Variants in TRIOBP observed in about 807,000 individuals in gnomAD.
TRIOBP encodes TRIO and F-actin binding protein.
In TRIOBP, 169 loss-of-function variants were observed where a neutral mutation model predicts 238.8. The ratio of observed to expected loss-of-function variants is 0.71; its 90% confidence interval spans 0.62 to 0.80. The LOEUF is 0.80. TRIOBP is among the 30% of genes least tolerant of loss of function. TRIOBP has a pLI of 0.00. For synonymous variants in TRIOBP, 1,150 were observed against 1,274.4 expected (o/e 0.90, Z 2.08); for missense variants, 2,838 against 3,122.6 (o/e 0.91, Z 2.17).
intron 2 of TRIOBP, among the ~76,000 whole-genome samples, chr22:37,698,698 G>T (rs1274769180): frequency 6.6e-6 from 1 of 152,052 alleles, no homozygotes; most frequent in Non-Finnish European, 1.5e-5. Context: ...TTAGCTGGGC[G>T]TGGTGGCGTA....
At chr22:37,736,680 T>C (rs1303439031) in intron 9 of TRIOBP, among the ~76,000 whole-genome samples, 3 of 152,160 alleles carry the variant, frequency 2.0e-5, no homozygotes, top group Non-Finnish European at 4.4e-5. Flanking sequence ...CAGACTGGAG[T>C]GCAATTGCAC....
In TRIOBP at chr22:37,757,743, C is replaced by A. The variant is rs535817741; in HGVS notation, c.5818C>A (p.Arg1940Ser). 1.9e-6 allele frequency: 3 copies of A among 1,569,006 alleles called. No homozygotes were observed. Among genetic ancestry groups the A allele is most frequent in the Non-Finnish European group, 2.6e-6 (3 of 1,158,266 alleles). Reference sequence around the variant, plus strand: ...TGGCCCTCGGAAGGCGGACGGGCAGCGTCAGGCCTTGGACTACGTGGAGCT... The same window carrying A: ...TGGCCCTCGGAAGGCGGACGGGCAGAGTCAGGCCTTGGACTACGTGGAGCT... ...RGGPRKADGQ[R>S]QALDYVELSP... Residue 1940 changes from arginine (R) to serine (S), a missense_variant, in exon 16 of 24, where the codon CGT becomes AGT. Around this residue, in one of 5 missense-constraint regions of TRIOBP, gnomAD observed 2,096 missense variants for 2,137.4 expected, o/e 0.98. Coordinates refer to ENST00000644935, the MANE Select transcript of TRIOBP (RefSeq NM_001039141.3).
chr22:37,717,417 G>T (rs1198434234), intron 6 of TRIOBP, among the ~76,000 whole-genome samples: 1 of 152,174 alleles, frequency 6.6e-6, no homozygotes, highest in East Asian at 1.9e-4. Flanking sequence ...TTATTCTCTT[G>T]TCTGGCCCCA....
At chr22:37,769,437 C>A in intron 21 of TRIOBP, 62 bp downstream of exon 21, 1 of 1,457,276 alleles carries the variant, frequency 6.9e-7, no homozygotes, top group Non-Finnish European at 9.3e-7. Context: ...CTATGGGGCA[C>A]CCCCGCCATA....
chr22:37,768,190 G>A lies in TRIOBP; in HGVS notation c.6575+14G>A, dbSNP rs577534147. On this transcript the variant is annotated intron_variant, in intron 19 of 23. Transcript: ENST00000644935. ...GAAGCAGCACCAGTAAGATGATGCCGGGGCCCAACTGCCCACCCTGATGGT... is the reference window on the plus strand; with the variant it reads ...GAAGCAGCACCAGTAAGATGATGCCAGGGCCCAACTGCCCACCCTGATGGT... The A allele has an allele frequency of 2.7e-4, 426 of 1,600,954 alleles. 4 individuals carry two copies. In the South Asian group the frequency reaches 4.3e-3, roughly 16 times the overall value.
In TRIOBP at chr22:37,723,860, G is replaced by A. The variant is rs756331609; in HGVS notation, c.1304G>A (p.Arg435Gln). ...AACCCCAGAACATCCTGCGCCCAGC[G>A]GGACAATCCCAGAGCCTCCTCTCCC... is the stretch of plus-strand genomic sequence containing the variant. Reference protein sequence around the residue: ...RDNPRTSCAQRDNPRASSPSR... With the variant: ...RDNPRTSCAQQDNPRASSPSR... The change falls in exon 7 of 24, where the codon CGG (arginine) becomes CAG (glutamine). Residue 435 changes from arginine to glutamine, a missense_variant. By Grantham distance (43) the Arg-to-Gln change is conservative. Coordinates refer to ENST00000644935, the MANE Select transcript of TRIOBP (RefSeq NM_001039141.3). The A allele has an allele frequency of 1.3e-5, 20 of 1,580,488 alleles. No homozygotes were observed. Among genetic ancestry groups the A allele is most frequent in the African/African-American group, 2.9e-5 (2 of 68,482 alleles).
Position 37,734,814 on chromosome 22 carries a change from C to T in TRIOBP, c.4478C>T (p.Ala1493Val), listed in dbSNP as rs2145842598. 1 of 1,612,396 alleles carries T rather than the reference C, an allele frequency of 6.2e-7. No homozygotes were observed. The highest frequency in any genetic ancestry group is 1.3e-5 in the African/African-American group (1 of 74,988). Residue 1493 changes from alanine to valine, a missense_variant, in exon 9 of 24, where the codon GCC becomes GTC. By Grantham distance (64) the Ala-to-Val change is moderately conservative (BLOSUM62 0). This residue lies in a region of TRIOBP where 2,096 missense variants were observed against 2,137.4 expected (regional missense o/e 0.98). Coordinates refer to ENST00000644935, the MANE Select transcript of TRIOBP (RefSeq NM_001039141.3). ...AAGGAGAGCTGGGGGCAGCCAGAGG[C>T]CTGGGAGGAGAAGCCCACTCATGAG... The part of the protein sequence containing the change: ...EYKESWGQPE[A>V]WEEKPTHELP...
intron 2 of TRIOBP, among the ~76,000 whole-genome samples, chr22:37,698,998 A>G (rs186204360): frequency 3.3e-5 from 5 of 152,222 alleles, no homozygotes; most frequent in Admixed American, 6.5e-5. Flanking sequence ...AAAATTAGCC[A>G]GGCATGACGG....
intron 12 of TRIOBP, among the ~76,000 whole-genome samples, chr22:37,753,738 T>C (rs1925754579): frequency 6.6e-6 from 1 of 152,224 alleles, no homozygotes; most frequent in South Asian, 2.1e-4. Flanking sequence ...GTATCGTCGT[T>C]GCATGCCCCT....
rs528239372 is a variant in TRIOBP, at chr22:37,772,738, G to T, written c.7074G>T (p.Ser2358=). 2 of 1,613,766 alleles carry T rather than the reference G, an allele frequency of 1.2e-6. No individual in the cohort carries two copies. The highest frequency in any genetic ancestry group is 1.3e-5 in the African/African-American group (1 of 75,056). The part of the protein sequence containing the change: ...LAMAALQEKE[S]MRNSLAE The stretch of plus-strand genomic sequence containing the variant: ...TGGCCGCCCTCCAGGAGAAGGAGTC[G>T]ATGCGCAACAGCCTGGCTGAGTAGA... Residue 2358 remains serine (S), a synonymous_variant, in exon 23 of 24, where the codon TCG becomes TCT. Transcript: ENST00000644935.
Position 37,722,377 on chromosome 22 carries a change from G to A in TRIOBP, c.629-808G>A, listed in dbSNP as rs141915316. The stretch of plus-strand genomic sequence containing the variant: ...CAGGAGGCTTAGGTTGCGGTGAGCC[G>A]AGATCGCGTCATTGCACTCTAGCCT... On this transcript the variant is annotated intron_variant, in intron 6 of 23. Transcript: ENST00000644935. Among the ~76,000 whole-genome samples, 1,413 of 149,468 alleles carry A rather than the reference G, an allele frequency of 9.5e-3. 22 individuals are homozygous for A. Among genetic ancestry groups the A allele is most frequent in the African/African-American group, 0.033 (1,360 of 40,622 alleles).
At chr22:37,759,740 C>T (rs1052047624) in intron 17 of TRIOBP, 25 of 1,445,132 alleles carry the variant, frequency 1.7e-5, no homozygotes, top group African/African-American at 1.0e-4. Context: ...ATGCACCGTC[C>T]GCCTAGGACA....
intron 17 of TRIOBP, chr22:37,759,796 C>T (rs1275196949): frequency 7.4e-7 from 1 of 1,347,260 alleles, no homozygotes; most frequent in Non-Finnish European, 9.6e-7. Context: ...GGACATTTGG[C>T]TGTGTCTGGG....
chr22:37,734,939 A>G lies in TRIOBP; in HGVS notation c.4603A>G (p.Thr1535Ala). ...ACAATCCTGGCACTCTGGGACACCC[A>G]CTGCTGTGGGCTGGGGGGCAGAGGG... ...SSQSWHSGTP[T>A]AVGWGAEGAC... Residue 1535 changes from threonine to alanine, a missense_variant, in exon 9 of 24, where the codon ACT becomes GCT. Coordinates refer to ENST00000644935, the MANE Select transcript of TRIOBP (RefSeq NM_001039141.3). 1 of 1,613,348 alleles carries G rather than the reference A, an allele frequency of 6.2e-7. No individual in the cohort carries two copies. The highest frequency in any genetic ancestry group is 8.5e-7 in the Non-Finnish European group (1 of 1,179,972).
At chr22:37,752,261 T>G (rs1010287) in intron 12 of TRIOBP, among the ~76,000 whole-genome samples, 147,580 of 152,302 alleles carry the variant, frequency 0.97, 71,539 homozygotes, top group East Asian at 1. Context: ...CCTCCTCTAG[T>G]CCTCAGTGGC....
At position 37,726,226 on chromosome 22, in the gene TRIOBP, C is replaced by T. The variant is rs533989683; in HGVS notation, c.3670C>T (p.Pro1224Ser). The change falls in exon 7 of 24, where the codon CCC becomes TCC. Residue 1224 changes from proline to serine, a missense_variant. Pro to Ser is a moderately conservative substitution (Grantham distance 74, BLOSUM62 -1). Coordinates refer to ENST00000644935, the MANE Select transcript of TRIOBP (RefSeq NM_001039141.3). ...AGTGTGCATCGGGCACCGGGATGCA[C>T]CCCGAGCCTCCTCCCCACCCCGCCA... is the stretch of plus-strand genomic sequence containing the variant. ...PQVCIGHRDA[P>S]RASSPPRHPP... The T allele has an allele frequency of 1.2e-5, 20 of 1,604,948 alleles. No homozygotes were observed. The South Asian group carries it at 2.0e-4, about 16-fold the overall frequency.
intron 7 of TRIOBP, among the ~76,000 whole-genome samples, chr22:37,730,583 C>T (rs777748450): frequency 1.3e-5 from 2 of 152,000 alleles, no homozygotes; most frequent in East Asian, 1.9e-4. Context: ...TACCCCAGTT[C>T]GGGGGAAAAT....
At chr22:37,730,191 C>T (rs1924356408) in intron 7 of TRIOBP, among the ~76,000 whole-genome samples, 1 of 152,238 alleles carries the variant, frequency 6.6e-6, no homozygotes, top group African/African-American at 2.4e-5. Flanking sequence ...GGTCGAAGAA[C>T]CCATCTAAGC....
intron 17 of TRIOBP, among the ~76,000 whole-genome samples, chr22:37,764,684 T>C (rs556846665): frequency 2.0e-5 from 3 of 152,308 alleles, no homozygotes; most frequent in Non-Finnish European, 2.9e-5. Flanking sequence ...ACACACACCG[T>C]TGTGGCGGAC....
Sources: allele counts gnomAD v4.1 joint callset (sites outside exome capture counted in the v4.1 genomes callset), GRCh38; gene constraint gnomAD v4.1.1; regional missense constraint gnomAD v4.1.1; transcripts MANE v1.5; gene names NCBI Gene and HGNC (gene_info 2026-07-23, HGNC 2026-07-21).